Variants in CSMD1 observed in about 807,000 individuals in gnomAD.
The protein encoded by CSMD1 is CUB and Sushi multiple domains 1, also known as CUB and sushi domain-containing protein 1.
A neutral mutation model predicts 417.5 loss-of-function variants in CSMD1; 213 were observed. The ratio of observed to expected loss-of-function variants is 0.51; its 90% CI spans 0.46 to 0.57. The LOEUF (loss-of-function observed/expected upper bound fraction) is 0.57. Among genes scored for constraint, CSMD1 ranks in the 20% least tolerant of loss-of-function variants. The pLI is 0.00. For missense variants in CSMD1, 6,923 were observed against 4,529.7 expected, an observed-to-expected ratio of 1.53 and a Z score of -15.17; for synonymous variants, 2,862 against 1,736.8, an observed-to-expected ratio of 1.65 and a Z score of -16.11.
intron 26 of CSMD1, among the ~76,000 whole-genome samples, chr8:3,283,872 T>C (rs1802933257): frequency 6.6e-6 from 1 of 152,240 alleles, no homozygotes; most frequent in African/African-American, 2.4e-5. Flanking sequence ...GGGTCTTCAT[T>C]TCTGAAGGTT....
At chr8:4,384,787 A>C (rs974581137) in intron 3 of CSMD1, among the ~76,000 whole-genome samples, 2 of 152,200 alleles carry the variant, frequency 1.3e-5, no homozygotes, top group African/African-American at 4.8e-5. Flanking sequence ...TCCCGACTTC[A>C]CTAATCAGTC....
chr8:2,940,830 G>C (rs539055072), intron 69 of CSMD1, among the ~76,000 whole-genome samples: 1 of 152,252 alleles, frequency 6.6e-6, no homozygotes, highest in East Asian at 1.9e-4. Flanking sequence ...CTTTTCCTTG[G>C]GGTTAATGTG....
intron 1 of CSMD1, among the ~76,000 whole-genome samples, chr8:4,773,311 A>G (rs1324723845): frequency 6.6e-6 from 1 of 152,092 alleles, no homozygotes; most frequent in Non-Finnish European, 1.5e-5. Flanking sequence ...GTGTTTATAA[A>G]CTTGCAGTTC....
intron 1 of CSMD1, among the ~76,000 whole-genome samples, chr8:4,643,041 T>C (rs1803300770): frequency 1.3e-5 from 2 of 152,204 alleles, no homozygotes; most frequent in Non-Finnish European, 2.9e-5. Context: ...TCTCCAACTC[T>C]GGGGCCTGAT....
At chr8:2,994,145 CAAAAAAAAAA>C (rs35438493) in intron 54 of CSMD1, among the ~76,000 whole-genome samples, 2 of 30,518 alleles carry the variant, frequency 6.6e-5, no homozygotes, top group African/African-American at 4.8e-4. Flanking sequence ...AACTCCATCT[CAAAAAAAAAA>C]AAAAAAAAAA....
At position 3,227,899 on chromosome 8, in the gene CSMD1, C is replaced by G. The variant is rs549894781; in HGVS notation, c.4345+2141G>C. On this transcript the variant is annotated intron_variant, in intron 27 of 69. Transcript: ENST00000635120. ...TCTCGTGCCTCAGCCTCCCAAGTAG[C>G]TGGGATCACAGGCATGCACCACCAC... Among the ~76,000 whole-genome samples the G allele has an allele frequency of 2.0e-5, 3 of 151,990 alleles. No homozygotes were observed. The East Asian group carries it at 5.8e-4, about 30-fold the overall frequency.
chr8:3,491,243 A>C (rs577987154), intron 11 of CSMD1, among the ~76,000 whole-genome samples: 1 of 152,322 alleles, frequency 6.6e-6, no homozygotes, highest in Non-Finnish European at 1.5e-5. Context: ...GCAGTATCAC[A>C]TCACTGAGTT....
intron 1 of CSMD1, among the ~76,000 whole-genome samples, chr8:4,781,681 G>T (rs1415430105): frequency 6.6e-6 from 1 of 152,176 alleles, no homozygotes; most frequent in East Asian, 1.9e-4. Flanking sequence ...TATCGGTCAT[G>T]AAGAAGTCAG....
intron 3 of CSMD1, among the ~76,000 whole-genome samples, chr8:4,258,575 G>C (rs1470670840): frequency 7.1e-6 from 1 of 141,444 alleles, no homozygotes; most frequent in African/African-American, 2.6e-5. Context: ...GGGAAGAATG[G>C]AAGGAAGGAG....
At chr8:3,669,489 T>G (rs1798874743) in intron 7 of CSMD1, among the ~76,000 whole-genome samples, 1 of 152,140 alleles carries the variant, frequency 6.6e-6, no homozygotes. Context: ...AGATATCCTC[T>G]ACTAAATATT....
chr8:3,484,319 C>G (rs186189247), intron 11 of CSMD1, among the ~76,000 whole-genome samples: 10 of 152,168 alleles, frequency 6.6e-5, no homozygotes, highest in Non-Finnish European at 1.2e-4. Context: ...GGCAGAAAAG[C>G]AGTTCAATGG....
chr8:4,849,747 GAAGCTAAACC>G (rs1563581922), intron 1 of CSMD1, among the ~76,000 whole-genome samples: 2 of 152,152 alleles, frequency 1.3e-5, no homozygotes, highest in East Asian at 3.9e-4. Flanking sequence ...AGGTCTCTAG[GAAGCTAAACC>G]ATCTTGGTTT....
At chr8:4,124,528 G>A (rs1212519257) in intron 3 of CSMD1, among the ~76,000 whole-genome samples, 7 of 152,276 alleles carry the variant, frequency 4.6e-5, no homozygotes, top group African/African-American at 1.7e-4. Flanking sequence ...AAGTATCAAA[G>A]CCCTGAGAAC....
intron 3 of CSMD1, among the ~76,000 whole-genome samples, chr8:4,157,222 G>A (rs559350014): frequency 2.6e-5 from 4 of 152,276 alleles, no homozygotes; most frequent in East Asian, 1.9e-4. Context: ...GTCCACAGAA[G>A]GAGTTTATAA....
chr8:2,998,863 TC>T (rs1312638751), intron 53 of CSMD1, among the ~76,000 whole-genome samples: 2 of 152,214 alleles, frequency 1.3e-5, no homozygotes, highest in Non-Finnish European at 2.9e-5. Flanking sequence ...TCCTCATTTA[TC>T]TTGTCAACAA....
At chr8:4,660,789 A>G (rs1804543559) in intron 1 of CSMD1, among the ~76,000 whole-genome samples, 1 of 152,034 alleles carries the variant, frequency 6.6e-6, no homozygotes, top group Non-Finnish European at 1.5e-5. Context: ...AAAGCCAACA[A>G]TCCAATTAGA....
chr8:4,084,934 G>T (rs912746320), intron 3 of CSMD1, among the ~76,000 whole-genome samples: 12 of 152,068 alleles, frequency 7.9e-5, no homozygotes, highest in African/African-American at 2.9e-4. Flanking sequence ...ACAAAAATTG[G>T]TAATTTGGGA....
chr8:3,212,401 T>G (rs749406105), intron 30 of CSMD1, among the ~76,000 whole-genome samples: 5 of 152,176 alleles, frequency 3.3e-5, no homozygotes, highest in Non-Finnish European at 7.3e-5. Flanking sequence ...CAGGCTATAG[T>G]GCAGTGGAGC....
intron 3 of CSMD1, among the ~76,000 whole-genome samples, chr8:4,297,913 A>T (rs568091294): frequency 6.6e-6 from 1 of 152,230 alleles, no homozygotes; most frequent in Non-Finnish European, 1.5e-5. Context: ...ATATAATCAG[A>T]AAGGTTTTTA....
Sources: allele counts gnomAD v4.1 joint callset (sites outside exome capture counted in the v4.1 genomes callset), GRCh38; gene constraint gnomAD v4.1.1; transcripts MANE v1.5; gene names NCBI Gene and HGNC (gene_info 2026-07-23, HGNC 2026-07-21).